AK9: variants seen among roughly 807,000 people sequenced by gnomAD.
The protein encoded by AK9 is adenylate kinase domain containing 1.
Under a neutral mutation model 239.6 loss-of-function variants are expected in AK9, and 191 were observed. That is an observed-to-expected ratio of 0.80 (90% CI 0.71 to 0.90). The LOEUF is 0.90. Among genes scored for constraint, AK9 ranks in the 40% least tolerant of loss-of-function variants. The probability of loss-of-function intolerance (pLI) is 0.00; values close to 1 mark genes in which losing one functional copy is unlikely to be tolerated. For missense variants in AK9, 1,995 were observed against 2,214.7 expected, an observed-to-expected ratio of 0.90 and a Z score of 1.99; for synonymous variants, 689 against 721.0, an observed-to-expected ratio of 0.96 and a Z score of 0.71.
Position 109,533,376 on chromosome 6 carries a change from T to C in AK9, c.3445A>G (p.Ile1149Val), listed in dbSNP as rs779319953. The change falls in exon 28 of 41, where the codon ATA becomes GTA. Residue 1149 changes from isoleucine (I) to valine (V), a missense_variant. Around this residue, in one of 5 missense-constraint regions of AK9, gnomAD observed 1,290 missense variants for 1,392.7 expected, o/e 0.93. Transcript: ENST00000424296. ...AAAATATCTTGATCATCAACTTGTA[T>C]AAAAACAGCTGCATCTGGGAAAAAT... ...RGFFPDAAVF[I>V]QVDDQDIFDR... 45 of 1,611,142 alleles carry C rather than the reference T, an allele frequency of 2.8e-5. No individual in the cohort carries two copies. The highest frequency in any genetic ancestry group is 3.6e-5 in the Non-Finnish European group (43 of 1,178,744).
intron 13 of AK9, among the ~76,000 whole-genome samples, chr6:109,618,449 T>C (rs1443640574): frequency 6.8e-6 from 1 of 147,520 alleles, no homozygotes; most frequent in Non-Finnish European, 1.5e-5. Flanking sequence ...AACAAAACGC[T>C]TTTTGTCTAT....
intron 40 of AK9, 49 bp downstream of exon 40, chr6:109,493,932 C>G (rs761537156): frequency 7.4e-7 from 1 of 1,350,290 alleles, no homozygotes; most frequent in East Asian, 2.3e-5. Flanking sequence ...CTTATACTAC[C>G]ATTAATGTTA....
intron 17 of AK9, among the ~76,000 whole-genome samples, chr6:109,604,729 G>GT (rs1414696726): frequency 1.3e-5 from 2 of 152,146 alleles, no homozygotes; most frequent in Admixed American, 1.3e-4. Context: ...GATGCTGTCA[G>GT]TTTTAAAAAA....
chr6:109,659,357 C>T lies in AK9; in HGVS notation c.501G>A (p.Thr167=), dbSNP rs756215121. The T allele has an allele frequency of 3.5e-5, 57 of 1,611,760 alleles. No homozygotes were observed. Among genetic ancestry groups the T allele is most frequent in the South Asian group, 1.5e-4 (14 of 90,570 alleles). Residue 167 remains threonine (T), a synonymous_variant, in exon 7 of 41, where the codon ACG becomes ACA. Transcript: ENST00000424296. ...RISGQRQHNN[T]GYIYSRDQWD... ...ACTGGTCTCTACTGTATATGTATCC[C>T]GTATTATTGTGCTGTCTTTGCCCAG...
At chr6:109,595,506 T>C (rs555389622) in intron 17 of AK9, among the ~76,000 whole-genome samples, 1 of 152,342 alleles carries the variant, frequency 6.6e-6, no homozygotes, top group South Asian at 2.1e-4. Context: ...ACTGGGTATA[T>C]ACCCAAAGGA....
rs1322382298 is a variant in AK9, at chr6:109,610,475, G to A, written c.1732C>T (p.His578Tyr). The A allele has an allele frequency of 1.9e-6, 3 of 1,551,324 alleles. No individual in the cohort carries two copies. The highest frequency in any genetic ancestry group is 2.6e-6 in the Non-Finnish European group (3 of 1,146,816). ...EDLIEEVTAD[H>Y]PEVVTMIEET... The stretch of plus-strand genomic sequence containing the variant: ...TCAATCATGGTCACAACCTCTGGAT[G>A]ATCTGCAGTTACCTCTTCTATCAAG... The change falls in exon 17 of 41, where the codon CAT (histidine) becomes TAT (tyrosine). Residue 578 changes from histidine (H) to tyrosine (Y), a missense_variant. Physicochemically the swap from His to Tyr is moderately conservative, Grantham distance 83. This residue lies in a region of AK9 where 1,290 missense variants were observed against 1,392.7 expected (regional missense o/e 0.93). Transcript: ENST00000424296.
Position 109,691,189 on chromosome 6 carries a change from T to A in AK9, c.-54A>T. The A allele has an allele frequency of 1.7e-6, 1 of 583,776 alleles. No individual in the cohort carries two copies. Among genetic ancestry groups the A allele is most frequent in the South Asian group, 2.1e-5 (1 of 47,914 alleles). The allele number at this position is 583,776 out of a possible 1,614,324, so 36.2% of individuals were successfully genotyped here. ...GCTTCCTCTCTCGGCAGCACGCAGG[T>A]CCCGGGAGCCTCTACCCGACCTCTC... On this transcript the variant is annotated 5_prime_UTR_variant, in exon 1 of 41. Transcript: ENST00000424296.
chr6:109,555,806 T>C (rs140909412), intron 24 of AK9, among the ~76,000 whole-genome samples: 61 of 152,358 alleles, frequency 4.0e-4, no homozygotes, highest in African/African-American at 1.4e-3. Context: ...TCAAGTCCGT[T>C]TGGTCAGAGA....
intron 13 of AK9, 120 bp downstream of exon 13, chr6:109,618,972 A>G (rs1348036438): frequency 9.2e-7 from 1 of 1,087,554 alleles, no homozygotes; most frequent in African/African-American, 1.6e-5. Context: ...ATTTGTTAAG[A>G]GTCTATAATG....
intron 19 of AK9, among the ~76,000 whole-genome samples, chr6:109,583,111 T>G (rs1379409913): frequency 6.6e-6 from 1 of 152,206 alleles, no homozygotes; most frequent in African/African-American, 2.4e-5. Context: ...AAAACTCATG[T>G]GACTTGCTTT....
At chr6:109,612,706 C>T (rs763253808) in intron 15 of AK9, among the ~76,000 whole-genome samples, 2 of 151,932 alleles carry the variant, frequency 1.3e-5, no homozygotes, top group Non-Finnish European at 1.5e-5. Context: ...TCTGACAGTG[C>T]CCTGTTCAAT....
At chr6:109,551,159 T>C (rs1335887531) in intron 24 of AK9, among the ~76,000 whole-genome samples, 2 of 152,194 alleles carry the variant, frequency 1.3e-5, no homozygotes, top group Non-Finnish European at 2.9e-5. Context: ...ACAAACTTTC[T>C]ATAAAGGTGC....
At chr6:109,584,396 A>T (rs549512836) in intron 19 of AK9, among the ~76,000 whole-genome samples, 1 of 152,282 alleles carries the variant, frequency 6.6e-6, no homozygotes, top group African/African-American at 2.4e-5. Context: ...GAAAAATTTA[A>T]TTCTTAAATG....
At chr6:109,515,206 T>C (rs920373416) in intron 31 of AK9, among the ~76,000 whole-genome samples, 2 of 152,222 alleles carry the variant, frequency 1.3e-5, no homozygotes, top group Non-Finnish European at 2.9e-5. Context: ...TCTTGGGTTA[T>C]CTTTTAGAGG....
intron 38 of AK9, among the ~76,000 whole-genome samples, chr6:109,496,535 G>T (rs1582709083): frequency 6.6e-6 from 1 of 152,036 alleles, no homozygotes; most frequent in Non-Finnish European, 1.5e-5. Context: ...CCCTTGTCTT[G>T]CTTGACCTCT....
chr6:109,670,004 T>A (rs1465205229), intron 5 of AK9, among the ~76,000 whole-genome samples: 2 of 152,134 alleles, frequency 1.3e-5, no homozygotes, highest in African/African-American at 2.4e-5. Flanking sequence ...AGGACAAGTA[T>A]CGGCATACAG....
intron 1 of AK9, among the ~76,000 whole-genome samples, chr6:109,678,337 A>G (rs1772060702): frequency 6.6e-6 from 1 of 152,234 alleles, no homozygotes; most frequent in African/African-American, 2.4e-5. Context: ...ATATTGTCTT[A>G]TTTATGTAAC....
In AK9 at chr6:109,624,750, C is replaced by T. The variant is rs192300075; in HGVS notation, c.1255-5514G>A. Among the ~76,000 whole-genome samples, 5 of 152,268 alleles carry T rather than the reference C, an allele frequency of 3.3e-5. No homozygotes were observed. In the East Asian group the frequency reaches 9.7e-4, roughly 29 times the overall value. On this transcript the variant is annotated intron_variant, in intron 12 of 40. Coordinates refer to ENST00000424296, the MANE Select transcript of AK9 (RefSeq NM_001145128.3). ...TGTCATTTCTATCTGGAAGCATGTC[C>T]TTCAATCTGGGAAATTTTCTGCAGT...
chr6:109,667,756 T>C lies in AK9; in HGVS notation c.331+4163A>G, dbSNP rs189763512. On this transcript the variant is annotated intron_variant, in intron 5 of 40. Coordinates refer to ENST00000424296, the MANE Select transcript of AK9 (RefSeq NM_001145128.3). ...CTCATCATTTTTTATGGCTGCATAG[T>C]ATTGCATGATGTATATGTGCCACAT... Among the ~76,000 whole-genome samples the C allele has an allele frequency of 2.9e-3, 440 of 152,342 alleles. 1 individual carries two copies. The highest frequency in any genetic ancestry group is 0.01 in the Middle Eastern group (3 of 294).
Sources: allele counts gnomAD v4.1 joint callset (sites outside exome capture counted in the v4.1 genomes callset), GRCh38; gene constraint gnomAD v4.1.1; regional missense constraint gnomAD v4.1.1; transcripts MANE v1.5; gene names NCBI Gene and HGNC (gene_info 2026-07-23, HGNC 2026-07-21).